The following NLGN1 variants were observed in gnomAD, a reference collection of about 807,000 sequenced individuals.
The protein encoded by NLGN1 is neuroligin 1, also known as neuroligin-1.
Under a neutral mutation model 65.5 loss-of-function variants are expected in NLGN1, and 12 were observed. The observed-to-expected ratio is 0.18, with a 90% CI of 0.12 to 0.30. The LOEUF is 0.30. Ranked by LOEUF, NLGN1 falls within the 10% of genes least tolerant of loss-of-function variation. The probability of loss-of-function intolerance (pLI) is 1.00; values close to 1 mark genes in which losing one functional copy is unlikely to be tolerated. For missense variants in NLGN1, 750 were observed against 1,007.1 expected (o/e 0.74, Z 3.46); for synonymous variants, 350 against 359.5 (o/e 0.97, Z 0.30).
chr3:173,532,148 G>C (rs896199390), intron 2 of NLGN1, among the ~76,000 whole-genome samples: 6 of 152,056 alleles, frequency 3.9e-5, no homozygotes, highest in Admixed American at 1.3e-4. Context: ...CTTTTACTCT[G>C]TTCTTGTCTT....
chr3:173,647,873 G>A (rs768053796), intron 3 of NLGN1, among the ~76,000 whole-genome samples: 1 of 152,070 alleles, frequency 6.6e-6, no homozygotes, highest in Non-Finnish European at 1.5e-5. Context: ...AAATAGAAAA[G>A]TATTGTTGAG....
At chr3:173,452,640 T>C (rs1410771147) in intron 2 of NLGN1, among the ~76,000 whole-genome samples, 1 of 152,210 alleles carries the variant, frequency 6.6e-6, no homozygotes, top group East Asian at 1.9e-4. Context: ...TATCATTCCA[T>C]AGTAGAGACA....
intron 4 of NLGN1, among the ~76,000 whole-genome samples, chr3:174,163,400 T>A (rs1726930758): frequency 6.6e-6 from 1 of 152,012 alleles, no homozygotes; most frequent in Non-Finnish European, 1.5e-5. Context: ...CCTTGAAGGA[T>A]TTTTTTAGTT....
intron 3 of NLGN1, among the ~76,000 whole-genome samples, chr3:173,752,697 C>A (rs1193134821): frequency 6.6e-6 from 1 of 152,040 alleles, no homozygotes; most frequent in Non-Finnish European, 1.5e-5. Context: ...AAAACTAAAC[C>A]ACATTGAATG....
intron 2 of NLGN1, among the ~76,000 whole-genome samples, chr3:173,511,468 T>G (rs562619951): frequency 6.6e-6 from 1 of 152,198 alleles, no homozygotes; most frequent in Non-Finnish European, 1.5e-5. Flanking sequence ...GGTATAATGA[T>G]TTTTATCCTG....
intron 4 of NLGN1, among the ~76,000 whole-genome samples, chr3:173,850,109 T>C (rs1001539640): frequency 2.6e-5 from 4 of 152,150 alleles, no homozygotes; most frequent in Admixed American, 6.6e-5. Context: ...TCACCATTCA[T>C]AGGCAGCCAT....
intron 3 of NLGN1, among the ~76,000 whole-genome samples, chr3:173,781,831 A>G (rs1305925611): frequency 1.3e-5 from 2 of 152,252 alleles, no homozygotes; most frequent in Admixed American, 1.3e-4. Context: ...AACAAAGTAT[A>G]TTAGGCACTG....
At chr3:174,183,458 C>A (rs796968756) in intron 4 of NLGN1, among the ~76,000 whole-genome samples, 1 of 152,084 alleles carries the variant, frequency 6.6e-6, no homozygotes, top group African/African-American at 2.4e-5. Flanking sequence ...ATAAATAAAT[C>A]CGAACTAGCT....
intron 3 of NLGN1, among the ~76,000 whole-genome samples, chr3:173,645,137 A>G (rs1036138420): frequency 1.3e-5 from 2 of 152,222 alleles, no homozygotes; most frequent in Non-Finnish European, 2.9e-5. Context: ...GGCTGGTTCC[A>G]TTAGGCAACT....
intron 2 of NLGN1, among the ~76,000 whole-genome samples, chr3:173,513,876 A>G (rs2149105399): frequency 6.6e-6 from 1 of 151,874 alleles, no homozygotes; most frequent in East Asian, 2.0e-4. Context: ...AAATACAAAA[A>G]AATTAGCCGG....
At chr3:173,494,574 T>G (rs1189393266) in intron 2 of NLGN1, among the ~76,000 whole-genome samples, 2 of 151,954 alleles carry the variant, frequency 1.3e-5, no homozygotes, top group African/African-American at 4.8e-5. Context: ...TTTTTCTCTC[T>G]TTGCTTACAT....
chr3:173,672,316 T>A (rs940998186), intron 3 of NLGN1, among the ~76,000 whole-genome samples: 1 of 152,158 alleles, frequency 6.6e-6, no homozygotes, highest in Admixed American at 6.5e-5. Context: ...ATACAGAAAA[T>A]TTTTCAGATG....
At chr3:173,598,513 A>T (rs1350883246) in intron 2 of NLGN1, among the ~76,000 whole-genome samples, 1 of 152,116 alleles carries the variant, frequency 6.6e-6, no homozygotes, top group Non-Finnish European at 1.5e-5. Flanking sequence ...TTGTGAATGA[A>T]TTTGATAATA....
At chr3:174,137,945 T>C (rs1157131479) in intron 4 of NLGN1, among the ~76,000 whole-genome samples, 1 of 152,190 alleles carries the variant, frequency 6.6e-6, no homozygotes, top group African/African-American at 2.4e-5. Flanking sequence ...AAAGTGTCAC[T>C]CTACTTGTTA....
chr3:173,711,292 A>G (rs1206108522), intron 3 of NLGN1, among the ~76,000 whole-genome samples: 1 of 152,162 alleles, frequency 6.6e-6, no homozygotes, highest in African/African-American at 2.4e-5. Flanking sequence ...GGGCTTGGTA[A>G]TTTGTTTCTG....
At chr3:173,840,095 T>C (rs1015626422) in intron 4 of NLGN1, among the ~76,000 whole-genome samples, 5 of 152,324 alleles carry the variant, frequency 3.3e-5, no homozygotes, top group African/African-American at 1.2e-4. Context: ...TATGTGACTC[T>C]AAATGCCATT....
intron 4 of NLGN1, among the ~76,000 whole-genome samples, chr3:173,978,296 A>G (rs918760573): frequency 3.3e-5 from 5 of 152,100 alleles, no homozygotes; most frequent in Admixed American, 1.3e-4. Context: ...GAGATAAGTA[A>G]TTATGTAATT....
intron 3 of NLGN1, among the ~76,000 whole-genome samples, chr3:173,788,381 C>T (rs2150353336): frequency 6.6e-6 from 1 of 152,072 alleles, no homozygotes; most frequent in South Asian, 2.1e-4. Flanking sequence ...TTTTCTACTG[C>T]AACTGTTCCA....
At chr3:174,272,262 A>C (rs568530200) in intron 4 of NLGN1, among the ~76,000 whole-genome samples, 1 of 151,750 alleles carries the variant, frequency 6.6e-6, no homozygotes, top group East Asian at 1.9e-4. Context: ...GGCTAGGGTG[A>C]TCTGAAATGG....
Sources: gnomAD v4.1 joint callset for allele counts (sites outside exome capture counted in the v4.1 genomes callset) on GRCh38, gnomAD v4.1.1 for gene constraint, MANE v1.5 for transcripts, NCBI Gene and HGNC (gene_info 2026-07-23, HGNC 2026-07-21) for gene names.